DGAT2: variants seen among roughly 807,000 people sequenced by gnomAD.
The protein encoded by DGAT2 is acyl-CoA retinol O-fatty-acyltransferase.
Under a neutral mutation model 48.4 loss-of-function variants are expected in DGAT2, and 33 were observed. That is an observed-to-expected ratio of 0.68 (90% CI 0.52 to 0.91). The LOEUF (loss-of-function observed/expected upper bound fraction) is 0.91, where lower values mean the gene tolerates loss of function less well. Ranked by LOEUF, DGAT2 falls within the 40% of genes least tolerant of loss-of-function variation. DGAT2 has a pLI of 0.00. For missense variants in DGAT2, 446 were observed against 493.7 expected (o/e 0.90, Z 0.92); for synonymous variants, 191 against 194.1 (o/e 0.98, Z 0.13).
At chr11:75,796,236 G>T (rs1945050308) in intron 4 of DGAT2, 92 bp from the exon 5 acceptor site, 2 of 1,112,460 alleles carry the variant, frequency 1.8e-6, no homozygotes, top group Admixed American at 3.7e-5. Context: ...AGGTCCAGGG[G>T]AAATGACACA....
At chr11:75,778,609 C>T (rs1014630485) in intron 1 of DGAT2, among the ~76,000 whole-genome samples, 7 of 151,978 alleles carry the variant, frequency 4.6e-5, no homozygotes, top group South Asian at 2.1e-4. Flanking sequence ...CCTAGGCGGG[C>T]GGATCACGAG....
chr11:75,798,155 A>T, intron 6 of DGAT2, 72 bp from the exon 7 acceptor site: 1 of 1,522,924 alleles, frequency 6.6e-7, no homozygotes, highest in Non-Finnish European at 9.0e-7. Context: ...GCCAGTGTCC[A>T]GGGCCTCTAG....
At chr11:75,778,952 C>T (rs1944832718) in intron 1 of DGAT2, among the ~76,000 whole-genome samples, 1 of 152,150 alleles carries the variant, frequency 6.6e-6, no homozygotes, top group South Asian at 2.1e-4. Context: ...CCCGAGGTCA[C>T]AGAGCCAGGC....
At chr11:75,790,773 T>C (rs1944980135) in intron 4 of DGAT2, 42 bp downstream of exon 4, 1 of 1,606,288 alleles carries the variant, frequency 6.2e-7, no homozygotes, top group Non-Finnish European at 8.5e-7. Context: ...TGGGAATGGA[T>C]GGGAAATCTG....
At chr11:75,792,964 G>C (rs1945007491) in intron 4 of DGAT2, 1 of 152,274 alleles carries the variant, frequency 6.6e-6, no homozygotes, top group Non-Finnish European at 1.5e-5. Context: ...GCCGTGCTGT[G>C]TAAACTTAAG....
At position 75,769,098 on chromosome 11, in the gene DGAT2, G is replaced by A. The variant is rs200551779; in HGVS notation, c.107G>A (p.Gly36Glu). 1.0e-5 allele frequency: 16 copies of A among 1,568,526 alleles called. No homozygotes were observed. The highest frequency in any genetic ancestry group is 1.9e-5 in the Admixed American group (1 of 52,106). The part of the protein sequence containing the change: ...SHGGPALSRE[G>E]SGRWGTGSSI... ...GGAGGACCTGCGCTGTCGCGCGAGGGGTCTGGGAGATGGGGTGAGTGCCAC... is the reference window on the plus strand; with the variant it reads ...GGAGGACCTGCGCTGTCGCGCGAGGAGTCTGGGAGATGGGGTGAGTGCCAC... The change falls in exon 1 of 8, where the codon GGG becomes GAG. Residue 36 changes from glycine to glutamate, a missense_variant. Physicochemically the swap from Gly to Glu is moderately conservative, Grantham distance 98. Coordinates refer to ENST00000228027, the MANE Select transcript of DGAT2 (RefSeq NM_032564.5).
chr11:75,782,363 G>A (rs954748827), intron 1 of DGAT2, among the ~76,000 whole-genome samples: 10 of 152,342 alleles, frequency 6.6e-5, no homozygotes, highest in African/African-American at 2.4e-4. Flanking sequence ...TGATGCTGCT[G>A]TTCCCAGACC....
chr11:75,783,953 C>T (rs1406137844), intron 1 of DGAT2, among the ~76,000 whole-genome samples: 1 of 152,142 alleles, frequency 6.6e-6, no homozygotes, highest in African/African-American at 2.4e-5. Context: ...TTTGGGGAAG[C>T]AAAGGCTCCC....
At chr11:75,790,386 C>A (rs1944974199) in intron 3 of DGAT2, 91 bp downstream of exon 3, 7 of 1,118,822 alleles carry the variant, frequency 6.3e-6, no homozygotes, top group South Asian at 3.8e-5. Flanking sequence ...AGTGCTGTTT[C>A]TTTTAACACC....
At chr11:75,775,969 CAG>C (rs1944799693) in intron 1 of DGAT2, 1 of 152,382 alleles carries the variant, frequency 6.6e-6, no homozygotes, top group Non-Finnish European at 1.5e-5. Flanking sequence ...AGAGGAGAAG[CAG>C]AGTCTAGAAG....
At chr11:75,774,491 C>T (rs1029147845) in intron 1 of DGAT2, among the ~76,000 whole-genome samples, 1 of 152,252 alleles carries the variant, frequency 6.6e-6, no homozygotes. Flanking sequence ...AGCCCTGCCT[C>T]TGCTTCCCAT....
In DGAT2 at chr11:75,791,687, C is replaced by T. The variant is rs563991517; in HGVS notation, c.429+956C>T. ...GGGAGAGATTCAATCCCTGGATTTC[C>T]CCATTGGATTGATTCCAGCTTCCTG... is the stretch of plus-strand genomic sequence containing the variant. On this transcript the variant is annotated intron_variant, in intron 4 of 7. Transcript: ENST00000228027. Among the ~76,000 whole-genome samples the T allele has an allele frequency of 3.9e-5, 6 of 152,282 alleles. No individual in the cohort carries two copies. The East Asian group carries it at 1.2e-3, about 29-fold the overall frequency.
At chr11:75,781,601 G>T (rs1249838702) in intron 1 of DGAT2, among the ~76,000 whole-genome samples, 2 of 152,248 alleles carry the variant, frequency 1.3e-5, no homozygotes, top group Non-Finnish European at 2.9e-5. Flanking sequence ...TCACCACCTT[G>T]CAGCAGTCCC....
In DGAT2 at chr11:75,800,693, C is replaced by T; in HGVS notation, c.*185C>T. 2.6e-6 allele frequency: 2 copies of T among 783,444 alleles called. No homozygotes were observed. The highest frequency in any genetic ancestry group is 2.9e-5 in the East Asian group (1 of 34,628). 48.5% of individuals were successfully genotyped at this position (783,444 alleles called of 1,614,324 possible). A position where few individuals can be genotyped will look rare whatever the true frequency, so the allele number is the denominator to read the frequency against. ...TCAGTATTTCAAGTTCTTTCACTTC[C>T]AGCTTGCCCTGTTCTAGGTGGTGGC... On this transcript the variant is annotated 3_prime_UTR_variant, in exon 8 of 8. Transcript: ENST00000228027.
chr11:75,790,204 C>T lies in DGAT2; in HGVS notation c.267C>T (p.Ala89=). ...SFLVLGVACS[A]ILMYIFCTDC... ...GCCCCCCAGGAGTGGCCTGCAGTGC[C>T]ATCCTCATGTACATATTCTGCACTG... The change falls in exon 3 of 8, where the codon GCC becomes GCT. Residue 89 remains alanine (A), a synonymous_variant. Coordinates refer to ENST00000228027, the MANE Select transcript of DGAT2 (RefSeq NM_032564.5). The T allele has an allele frequency of 3.1e-6, 5 of 1,613,996 alleles. No homozygotes were observed. The highest frequency in any genetic ancestry group is 4.2e-6 in the Non-Finnish European group (5 of 1,179,954).
At chr11:75,780,623 T>C (rs937975666) in intron 1 of DGAT2, among the ~76,000 whole-genome samples, 3 of 152,130 alleles carry the variant, frequency 2.0e-5, no homozygotes, top group African/African-American at 7.2e-5. Flanking sequence ...AAACAGATCA[T>C]TCATTTCTCC....
Position 75,800,822 on chromosome 11 carries a change from G to A in DGAT2, c.*314G>A. 1 of 308,036 alleles carries A rather than the reference G, an allele frequency of 3.2e-6. No homozygotes were observed. The allele number at this position is 308,036 out of a possible 1,614,324, so 19.1% of individuals were successfully genotyped here. ...TTGGGGAAGAAGGATTGCCATTAGT[G>A]ACTTGGACCAGTTAGATGATTCACT... On this transcript the variant is annotated 3_prime_UTR_variant, in exon 8 of 8. Transcript: ENST00000228027.
chr11:75,778,117 C>T (rs1944819695), intron 1 of DGAT2, among the ~76,000 whole-genome samples: 1 of 152,188 alleles, frequency 6.6e-6, no homozygotes, highest in Non-Finnish European at 1.5e-5. Flanking sequence ...TGTCCCCACC[C>T]ACCTCACCCA....
At chr11:75,781,765 C>T (rs896431100) in intron 1 of DGAT2, among the ~76,000 whole-genome samples, 7 of 152,174 alleles carry the variant, frequency 4.6e-5, no homozygotes, top group Admixed American at 2.6e-4. Flanking sequence ...GCCTGCAGAC[C>T]CACCTTGCTG....
Sources: allele counts gnomAD v4.1 joint callset (sites outside exome capture counted in the v4.1 genomes callset), GRCh38; gene constraint gnomAD v4.1.1; transcripts MANE v1.5; gene names NCBI Gene and HGNC (gene_info 2026-07-23, HGNC 2026-07-21).